PLEKHA6: variants seen among roughly 807,000 people sequenced by gnomAD.
The protein encoded by PLEKHA6 is pleckstrin homology domain-containing family A member 6.
In PLEKHA6, 60 loss-of-function variants were observed where a neutral mutation model predicts 116.7. The ratio of observed to expected loss-of-function variants is 0.51; its 90% CI spans 0.42 to 0.64. The LOEUF is 0.64. PLEKHA6 is among the 30% of genes least tolerant of loss of function. The pLI is 0.00. For synonymous variants in PLEKHA6, 489 were observed against 556.1 expected (o/e 0.88, Z 1.70); for missense variants, 1,338 against 1,422.7 (o/e 0.94, Z 0.96).
At chr1:204,375,319 C>G (rs1322860146) in intron 1 of PLEKHA6, among the ~76,000 whole-genome samples, 1 of 152,106 alleles carries the variant, frequency 6.6e-6, no homozygotes. Context: ...CAGTGTTTCC[C>G]CACTAACCCT....
At chr1:204,258,255 G>A (rs530307360) in intron 8 of PLEKHA6, among the ~76,000 whole-genome samples, 3 of 152,240 alleles carry the variant, frequency 2.0e-5, no homozygotes, top group East Asian at 3.9e-4. Context: ...AAGAAAGGGC[G>A]GCTTCCTGAT....
intron 1 of PLEKHA6, among the ~76,000 whole-genome samples, chr1:204,331,241 G>A (rs1672438361): frequency 6.7e-6 from 1 of 149,498 alleles, no homozygotes; most frequent in African/African-American, 2.5e-5. Context: ...TCTCAGCCAA[G>A]CAGCACCTGC....
chr1:204,359,740 A>G lies in PLEKHA6; in HGVS notation c.-141T>C, dbSNP rs1673515942. The G allele has an allele frequency of 5.1e-6, 5 of 970,914 alleles. No individual in the cohort carries two copies. Among genetic ancestry groups the G allele is most frequent in the Non-Finnish European group, 6.1e-6 (5 of 816,692 alleles). 60.1% of individuals were successfully genotyped at this position (970,914 alleles called of 1,614,324 possible). On this transcript the variant is annotated 5_prime_UTR_variant, in exon 1 of 23. Coordinates refer to ENST00000272203, the MANE Select transcript of PLEKHA6 (RefSeq NM_014935.5). ...CGCGCTGGAAAGCTCTAACTCTGCG[A>G]GCCCCAAGGCACCCCTCCCCCCAGC...
At chr1:204,281,052 G>A (rs1298427147) in intron 1 of PLEKHA6, 2 of 951,862 alleles carry the variant, frequency 2.1e-6, no homozygotes, top group Non-Finnish European at 2.5e-6. Context: ...GCCAGGCATG[G>A]TAGCACATGT....
At chr1:204,316,100 G>A (rs888807709) in intron 1 of PLEKHA6, among the ~76,000 whole-genome samples, 4 of 152,224 alleles carry the variant, frequency 2.6e-5, no homozygotes, top group African/African-American at 7.2e-5. Flanking sequence ...TGCAATGCGC[G>A]AGGTGGCTCC....
chr1:204,273,686 G>T lies in PLEKHA6; in HGVS notation c.42C>A (p.Asn14Lys), dbSNP rs1169681250. Residue 14 changes from asparagine (N) to lysine (K), a missense_variant, in exon 3 of 23, where the codon AAC (asparagine) becomes AAA (lysine). Asn to Lys is a moderately conservative substitution (Grantham distance 94, BLOSUM62 0). This residue lies in a region of PLEKHA6 where 62 missense variants were observed against 61.7 expected (regional missense o/e 1.01). Coordinates refer to ENST00000272203, the MANE Select transcript of PLEKHA6 (RefSeq NM_014935.5). ...KTGGKRPATT[N>K]SDIPNHNMVS... Reference sequence around the variant, plus strand: ...CCATGTTGTGGTTGGGTATGTCACTGTTGGTGGTAGCCGGGCGTTTCCCAC... The same window carrying T: ...CCATGTTGTGGTTGGGTATGTCACTTTTGGTGGTAGCCGGGCGTTTCCCAC... The T allele has an allele frequency of 1.9e-6, 3 of 1,614,162 alleles. No homozygotes were observed.
chr1:204,230,749 G>T (rs536241169), intron 17 of PLEKHA6, among the ~76,000 whole-genome samples, 163 bp from the exon 18 acceptor site: 1 of 152,328 alleles, frequency 6.6e-6, no homozygotes, highest in South Asian at 2.1e-4. Flanking sequence ...GTATCTGAGA[G>T]TGTAACCTTA....
At chr1:204,282,553 AG>A (rs1668737443) in intron 1 of PLEKHA6, 1 of 672,438 alleles carries the variant, frequency 1.5e-6, no homozygotes, top group Non-Finnish European at 1.8e-6. Flanking sequence ...CTGGCACCAC[AG>A]GGCCCTCCAA....
intron 1 of PLEKHA6, among the ~76,000 whole-genome samples, chr1:204,292,870 C>G (rs1020531880): frequency 6.7e-6 from 1 of 149,346 alleles, no homozygotes; most frequent in Non-Finnish European, 1.5e-5. Flanking sequence ...ACTCCCAAGG[C>G]GGAAGTCTGG....
intron 1 of PLEKHA6, among the ~76,000 whole-genome samples, chr1:204,325,505 T>C (rs559286544): frequency 1.3e-5 from 2 of 152,242 alleles, no homozygotes; most frequent in South Asian, 4.1e-4. Context: ...CCACATGAGA[T>C]CTTCATGCTC....
At chr1:204,249,458 G>C (rs1189913893) in intron 10 of PLEKHA6, among the ~76,000 whole-genome samples, 194 bp from the exon 11 acceptor site, 1 of 152,112 alleles carries the variant, frequency 6.6e-6, no homozygotes, top group Non-Finnish European at 1.5e-5. Context: ...GGGAGGTGAG[G>C]TATGCTTACT....
chr1:204,233,981 A>G (rs1267836396), intron 17 of PLEKHA6, among the ~76,000 whole-genome samples: 1 of 152,168 alleles, frequency 6.6e-6, no homozygotes, highest in African/African-American at 2.4e-5. Context: ...AAATTTGGGT[A>G]TCACAGGGTG....
rs1028728534 is a variant in PLEKHA6, at chr1:204,344,541, A to G, written c.-95+15153T>C. Reference sequence around the variant, plus strand: ...CTTGAACCCGGGAGGCAGAGGTTGCAGTCAGCCGAGATTGTGCCACTGCAT... The same window carrying G: ...CTTGAACCCGGGAGGCAGAGGTTGCGGTCAGCCGAGATTGTGCCACTGCAT... On this transcript the variant is annotated intron_variant, in intron 1 of 22. Coordinates refer to ENST00000272203, the MANE Select transcript of PLEKHA6 (RefSeq NM_014935.5). Among the ~76,000 whole-genome samples, 3 of 150,230 alleles carry G rather than the reference A, an allele frequency of 2.0e-5. No individual in the cohort carries two copies. The Admixed American group carries it at 2.0e-4, about 10-fold the overall frequency.
At position 204,297,603 on chromosome 1, in the gene PLEKHA6, T is replaced by C. The variant is rs1316040806; in HGVS notation, c.-94-22794A>G. ...TCAATCTCTCTATGCCTCAGTTTCC[T>C]CATCGGCAACAGGGGGGGTGGGTAA... On this transcript the variant is annotated intron_variant, in intron 1 of 22. Coordinates refer to ENST00000272203, the MANE Select transcript of PLEKHA6 (RefSeq NM_014935.5). 2.2e-5 allele frequency among the ~76,000 whole-genome samples: 3 copies of C among 133,564 alleles called. 1 individual carries two copies. The highest frequency in any genetic ancestry group is 4.1e-4 in the East Asian group (2 of 4,924). The allele number at this position is 133,564 out of a possible 152,430, so 87.6% of individuals were successfully genotyped here. A position where few individuals can be genotyped will look rare whatever the true frequency, so the allele number is the denominator to read the frequency against.
chr1:204,238,266 C>T lies in PLEKHA6; in HGVS notation c.2409+3109G>A, dbSNP rs1377791956. Among the ~76,000 whole-genome samples, 1 of 152,172 alleles carries T rather than the reference C, an allele frequency of 6.6e-6. No homozygotes were observed. Among genetic ancestry groups the T allele is most frequent in the Non-Finnish European group, 1.5e-5 (1 of 68,034 alleles). ...ATATGACCCAGCGGATCCAATGGTG[C>T]TTGAGGTGTCAGTGACAGATCGGGA... On this transcript the variant is annotated intron_variant, in intron 17 of 22. Coordinates refer to ENST00000272203, the MANE Select transcript of PLEKHA6 (RefSeq NM_014935.5). The surrounding 1 kb of genome is among the most constrained non-coding windows in gnomAD (Gnocchi z 4.2).
chr1:204,344,090 A>G, intron 1 of PLEKHA6, among the ~76,000 whole-genome samples: 1 of 152,126 alleles, frequency 6.6e-6, no homozygotes, highest in Non-Finnish European at 1.5e-5. Context: ...GGAGTTTGAG[A>G]CCAGCCTGGG....
chr1:204,241,322 C>T (rs1303299430), intron 17 of PLEKHA6, 53 bp downstream of exon 17: 4 of 1,107,156 alleles, frequency 3.6e-6, no homozygotes, highest in Admixed American at 1.9e-5. Flanking sequence ...CACACACAGG[C>T]CCCTGGGCTC....
chr1:204,369,890 G>A lies in PLEKHA6; in HGVS notation c.160+1640C>T, dbSNP rs60323675. 1.0e-2 allele frequency among the ~76,000 whole-genome samples: 1,518 copies of A among 152,282 alleles called. 19 individuals carry two copies. The highest frequency in any genetic ancestry group is 0.033 in the African/African-American group (1,381 of 41,550). On this transcript the variant is annotated intron_variant, in intron 2 of 4. Transcript: ENST00000564627. ...CCTGGCCTTAGAGTCAGGAGGCCTC[G>A]CTGCAAGTTGGAAATACAATGGTGA...
intron 1 of PLEKHA6, chr1:204,278,027 C>T (rs1051453037): frequency 5.3e-5 from 8 of 152,292 alleles, no homozygotes; most frequent in East Asian, 3.9e-4. Context: ...TTCCCAGACA[C>T]GAGATGATAC....
Sources: allele counts gnomAD v4.1 joint callset (sites outside exome capture counted in the v4.1 genomes callset), GRCh38; gene constraint gnomAD v4.1.1; regional missense constraint gnomAD v4.1.1; non-coding constraint Gnocchi (gnomAD v3.1); transcripts MANE v1.5; gene names NCBI Gene and HGNC (gene_info 2026-07-23, HGNC 2026-07-21).